The following ZBBX variants were observed in gnomAD, a reference collection of about 807,000 sequenced individuals.
ZBBX encodes zinc finger B-box domain containing.
Under a neutral mutation model 108.5 loss-of-function variants are expected in ZBBX, and 101 were observed. The ratio of observed to expected loss-of-function variants is 0.93; its 90% CI spans 0.79 to 1.10. The LOEUF is 1.10. Among genes scored for constraint, ZBBX ranks in the 50% least tolerant of loss-of-function variants. The pLI is 0.00. For synonymous variants in ZBBX, 356 were observed against 323.4 expected (o/e 1.10, Z -1.08); for missense variants, 1,009 against 941.4 (o/e 1.07, Z -0.94).
At chr3:167,318,246 C>A (rs961310830) in intron 12 of ZBBX, among the ~76,000 whole-genome samples, 1 of 151,942 alleles carries the variant, frequency 6.6e-6, no homozygotes, top group Non-Finnish European at 1.5e-5. Flanking sequence ...AGTAGCTGCA[C>A]AGCCTTTCCA....
In ZBBX at chr3:167,305,736, C is replaced by G; in HGVS notation, c.1632G>C (p.Glu544Asp). 13 of 1,612,272 alleles carry G rather than the reference C, an allele frequency of 8.1e-6. No homozygotes were observed. The highest frequency in any genetic ancestry group is 1.0e-5 in the Non-Finnish European group (12 of 1,179,316). Residue 544 changes from glutamate (E) to aspartate (D), a missense_variant, in exon 17 of 22, where the codon GAG becomes GAC. Physicochemically the swap from Glu to Asp is conservative, Grantham distance 45. Transcript: ENST00000675490. ...ATTCTTTGATGTCTTGAGATAATTT[C>G]TCCTCAATGGGAGCTTTTTCTAAAT... ...GRDLEKAPIE[E>D]KLSQDIKESL...
upstream of ZBBX, among the ~76,000 whole-genome samples, chr3:167,383,658 A>G (rs1449839674): frequency 6.6e-6 from 1 of 152,096 alleles, no homozygotes; most frequent in African/African-American, 2.4e-5. Context: ...ATGGAGGAGA[A>G]TCATCAGGGC....
chr3:167,192,304 A>G, the ZBBX span, among the ~76,000 whole-genome samples: 71 of 152,128 alleles, frequency 4.7e-4, no homozygotes, highest in Non-Finnish European at 6.9e-4. Flanking sequence ...TTCTTGTAAG[A>G]TATCTGGTGG....
intron 7 of ZBBX, 121 bp downstream of exon 7, chr3:167,360,553 AT>A: frequency 2.0e-6 from 1 of 497,256 alleles, no homozygotes; most frequent in Admixed American, 4.5e-5. Flanking sequence ...ATGTGTCATG[AT>A]TTGGGGGTTT....
chr3:167,217,752 T>C, the ZBBX span, among the ~76,000 whole-genome samples: 1 of 152,132 alleles, frequency 6.6e-6, no homozygotes, highest in African/African-American at 2.4e-5. Context: ...AAAAATGTGG[T>C]ACATATACAC....
chr3:167,189,842 A>C, the ZBBX span, among the ~76,000 whole-genome samples: 5 of 152,338 alleles, frequency 3.3e-5, no homozygotes, highest in East Asian at 9.7e-4. Flanking sequence ...TTAATGCTCT[A>C]CATTCAATGG....
At chr3:167,207,017 C>A in the ZBBX span, among the ~76,000 whole-genome samples, 1 of 152,082 alleles carries the variant, frequency 6.6e-6, no homozygotes, top group Non-Finnish European at 1.5e-5. Context: ...AACACTTAAA[C>A]CAATAATACT....
At chr3:167,302,276 T>C (rs1732832045) in intron 17 of ZBBX, among the ~76,000 whole-genome samples, 1 of 152,160 alleles carries the variant, frequency 6.6e-6, no homozygotes, top group Admixed American at 6.5e-5. Flanking sequence ...CTTATTGGAT[T>C]GATGGATTTG....
upstream of ZBBX, among the ~76,000 whole-genome samples, chr3:167,382,304 AG>A (rs1208942688): frequency 6.6e-6 from 1 of 152,238 alleles, no homozygotes; most frequent in Non-Finnish European, 1.5e-5. Flanking sequence ...AATGATGATT[AG>A]TGACAAAATG....
the ZBBX span, among the ~76,000 whole-genome samples, chr3:167,218,462 A>C: frequency 6.6e-6 from 1 of 152,210 alleles, no homozygotes; most frequent in East Asian, 1.9e-4. Flanking sequence ...AAACAACAAT[A>C]AGTTAAAATG....
At chr3:167,316,267 C>A (rs892574381) in intron 14 of ZBBX, among the ~76,000 whole-genome samples, 2 of 151,900 alleles carry the variant, frequency 1.3e-5, no homozygotes, top group African/African-American at 4.8e-5. Flanking sequence ...CCAAAAAACA[C>A]AAATAACAAA....
chr3:167,345,733 C>T (rs1683763088), intron 9 of ZBBX, among the ~76,000 whole-genome samples: 6 of 151,700 alleles, frequency 4.0e-5, no homozygotes, highest in Admixed American at 2.0e-4. Context: ...TCATATGGAA[C>T]CAAGAAAGAG....
chr3:167,283,290 C>A (rs554231122), intron 19 of ZBBX, among the ~76,000 whole-genome samples: 1 of 152,072 alleles, frequency 6.6e-6, no homozygotes, highest in Non-Finnish European at 1.5e-5. Context: ...TTTGGTATTT[C>A]TCACAAAATA....
intron 8 of ZBBX, among the ~76,000 whole-genome samples, chr3:167,357,087 G>A (rs1156852010): frequency 6.6e-6 from 1 of 152,102 alleles, no homozygotes; most frequent in Non-Finnish European, 1.5e-5. Context: ...AGGTGGATGT[G>A]TAAATTAGGG....
At chr3:167,347,841 A>C (rs1234472136) in intron 9 of ZBBX, among the ~76,000 whole-genome samples, 1 of 152,052 alleles carries the variant, frequency 6.6e-6, no homozygotes, top group South Asian at 2.1e-4. Context: ...TGGTGTGGAA[A>C]CATAAAGGAG....
intron 1 of ZBBX, among the ~76,000 whole-genome samples, chr3:167,386,469 C>G (rs755645326): frequency 4.0e-5 from 6 of 151,878 alleles, no homozygotes; most frequent in African/African-American, 1.5e-4. Flanking sequence ...AGCAGTAGAG[C>G]GTTGATCTGT....
chr3:167,239,436 C>A (rs942763623), downstream of ZBBX, among the ~76,000 whole-genome samples: 2 of 152,102 alleles, frequency 1.3e-5, no homozygotes, highest in African/African-American at 4.8e-5. Flanking sequence ...AAACTCATAT[C>A]CTTTTTTTTC....
chr3:167,178,503 C>T, the ZBBX span, among the ~76,000 whole-genome samples: 10 of 152,222 alleles, frequency 6.6e-5, no homozygotes, highest in East Asian at 5.8e-4. Context: ...GGGTGTTGCT[C>T]GTGACAGTTG....
chr3:167,197,334 C>G, the ZBBX span, among the ~76,000 whole-genome samples: 8 of 152,192 alleles, frequency 5.3e-5, no homozygotes, highest in East Asian at 1.5e-3. Flanking sequence ...GTCAGAAGAT[C>G]GAGACCATCC....
Sources: allele counts gnomAD v4.1 joint callset (sites outside exome capture counted in the v4.1 genomes callset), GRCh38; gene constraint gnomAD v4.1.1; transcripts MANE v1.5; gene names NCBI Gene and HGNC (gene_info 2026-07-23, HGNC 2026-07-21).